TRIOBP: variants seen among roughly 807,000 people sequenced by gnomAD.
TRIOBP encodes the protein TRIO and F-actin binding protein, also known as TRIO and F-actin-binding protein.
A neutral mutation model predicts 238.8 loss-of-function variants in TRIOBP; 169 were observed. The ratio of observed to expected loss-of-function variants is 0.71; its 90% confidence interval spans 0.62 to 0.80. The LOEUF (loss-of-function observed/expected upper bound fraction) is 0.80. TRIOBP is among the 30% of genes least tolerant of loss of function. TRIOBP has a pLI of 0.00. For missense variants in TRIOBP, 2,838 were observed against 3,122.6 expected, an observed-to-expected ratio of 0.91 and a Z score of 2.17; for synonymous variants, 1,150 against 1,274.4, an observed-to-expected ratio of 0.90 and a Z score of 2.08.
chr22:37,733,583 G>C (rs1924526497), intron 8 of TRIOBP, among the ~76,000 whole-genome samples, 171 bp downstream of exon 8: 2 of 151,796 alleles, frequency 1.3e-5, no homozygotes, highest in Admixed American at 1.3e-4. Flanking sequence ...GCAGCTCTTG[G>C]CAAAATGCAC....
chr22:37,731,665 C>T (rs1278678622), intron 7 of TRIOBP, among the ~76,000 whole-genome samples: 3 of 152,014 alleles, frequency 2.0e-5, no homozygotes, highest in Non-Finnish European at 4.4e-5. Context: ...CTATGTTGAC[C>T]AGGCTGGTCT....
At chr22:37,735,667 A>G (rs1924636925) in intron 9 of TRIOBP, among the ~76,000 whole-genome samples, 2 of 152,236 alleles carry the variant, frequency 1.3e-5, no homozygotes, top group South Asian at 4.1e-4. Flanking sequence ...CCTGATCTGA[A>G]TGTTTGACGT....
At position 37,718,113 on chromosome 22, in the gene TRIOBP, AGGGCCAGCCGGCCGCTCCGAGTGCG is replaced by A. The variant is rs1923629416; in HGVS notation, c.628+2185_628+2209del. Among the ~76,000 whole-genome samples the A allele has an allele frequency of 2.6e-5, 4 of 152,276 alleles. No individual in the cohort carries two copies. The South Asian group carries it at 8.3e-4, about 32-fold the overall frequency. On this transcript the variant is annotated intron_variant, in intron 6 of 23. Transcript: ENST00000644935. ...AAGCCCCTCATTGCCCGGGGCCGGCAGGGCCAGCCGGCCGCTCCGAGTGCGGGGCCCACCAAGCCCACGCCCACCC... is the reference window on the plus strand; with the variant it reads ...AAGCCCCTCATTGCCCGGGGCCGGCAGGGCCCACCAAGCCCACGCCCACCC...
At chr22:37,768,230 C>T in intron 19 of TRIOBP, 54 bp downstream of exon 19, 1 of 1,461,344 alleles carries the variant, frequency 6.8e-7, no homozygotes, top group Non-Finnish European at 9.5e-7. Flanking sequence ...GGTTGAGGAA[C>T]TTTGCTGAGG....
rs781595281 is a variant in TRIOBP at position 37,726,435 on chromosome 22, C to A, written c.3879C>A (p.Cys1293Ter). The change falls in exon 7 of 24, where the codon TGC becomes TGA. Residue 1293 changes from cysteine to a stop codon, truncating the protein, a stop_gained. Coordinates refer to ENST00000644935, the MANE Select transcript of TRIOBP (RefSeq NM_001039141.3). LOFTEE classifies it high-confidence loss of function. ...GACAGCCAGGGCCCCAGGCGCAGTG[C>A]AGCAGCGGGGGCCGCACCCACAGCC... The part of the protein sequence containing the change: ...AQRQPGPQAQ[C>*]SSGGRTHSPG... 6.3e-7 allele frequency: 1 copy of A among 1,586,058 alleles called. No homozygotes were observed. The highest frequency in any genetic ancestry group is 8.6e-7 in the Non-Finnish European group (1 of 1,168,410).
rs555909364 is a variant in TRIOBP, at chr22:37,765,832, G to T, written c.6472+15G>T. 133 of 1,585,344 alleles carry T rather than the reference G, an allele frequency of 8.4e-5. 1 individual carries two copies. In the South Asian group the frequency reaches 1.1e-3, roughly 13 times the overall value. ...CACGGCCTCAGGTATGGACCCTGGG[G>T]GGGGCACAGTGGGCTGGGCTCTGAG... On this transcript the variant is annotated intron_variant, in intron 18 of 23. Coordinates refer to ENST00000644935, the MANE Select transcript of TRIOBP (RefSeq NM_001039141.3).
At chr22:37,765,545 T>C in intron 17 of TRIOBP, 125 bp from the exon 18 acceptor site, 1 of 1,284,360 alleles carries the variant, frequency 7.8e-7, no homozygotes, top group Non-Finnish European at 1.1e-6. Flanking sequence ...AGGTGCAGAC[T>C]GGAGGTGCTG....
chr22:37,709,454 C>T (rs1404997564), intron 3 of TRIOBP, among the ~76,000 whole-genome samples: 2 of 152,240 alleles, frequency 1.3e-5, no homozygotes, highest in African/African-American at 2.4e-5. Context: ...TCCACTGCCT[C>T]GGCGGCTGCT....
intron 4 of TRIOBP, among the ~76,000 whole-genome samples, chr22:37,711,895 C>T (rs186949259): frequency 2.0e-5 from 3 of 151,858 alleles, no homozygotes. Flanking sequence ...GAGCCTGTGA[C>T]TTCTTTTAAA....
At chr22:37,746,354 C>T (rs1925262567) in intron 11 of TRIOBP, 1 of 1,208,680 alleles carries the variant, frequency 8.3e-7, no homozygotes, top group Non-Finnish European at 1.0e-6. Context: ...CGCCGCGGAG[C>T]CCGGCCCGAG....
At position 37,735,086 on chromosome 22, in the gene TRIOBP, G is replaced by T; in HGVS notation, c.4750G>T (p.Gly1584Cys). The T allele has an allele frequency of 6.2e-7, 1 of 1,606,650 alleles. No individual in the cohort carries two copies. Among genetic ancestry groups the T allele is most frequent in the East Asian group, 2.2e-5 (1 of 44,682 alleles). Residue 1584 changes from glycine to cysteine, a missense_variant, in exon 9 of 24, where the codon GGC becomes TGC. Around this residue, in one of 5 missense-constraint regions of TRIOBP, gnomAD observed 2,096 missense variants for 2,137.4 expected, o/e 0.98. Coordinates refer to ENST00000644935, the MANE Select transcript of TRIOBP (RefSeq NM_001039141.3). ...CCGTGTCCCCAGCCTGGACTGGGAG[G>T]GCCTCTTGGAGCTCCTGCAGGCCAG... ...WARVPSLDWE[G>C]LLELLQARLP...
chr22:37,771,203 G>T (rs908569047), intron 21 of TRIOBP, among the ~76,000 whole-genome samples: 1 of 152,326 alleles, frequency 6.6e-6, no homozygotes, highest in Middle Eastern at 3.4e-3. Flanking sequence ...CAGGCAGTCT[G>T]GCTCCAGTCT....
chr22:37,746,749 C>T (rs991047287), intron 11 of TRIOBP, among the ~76,000 whole-genome samples: 2 of 152,244 alleles, frequency 1.3e-5, no homozygotes, highest in Non-Finnish European at 1.5e-5. Context: ...CCCACCTCCC[C>T]TCCAGCCCCC....
chr22:37,758,189 C>T (rs1285767529), intron 16 of TRIOBP, 51 bp downstream of exon 16: 1 of 1,600,756 alleles, frequency 6.2e-7, no homozygotes, highest in Non-Finnish European at 8.5e-7. Context: ...AGCGCCCCTC[C>T]AGTCCCTGCA....
In TRIOBP at chr22:37,726,480, G is replaced by A. The variant is rs780052589; in HGVS notation, c.3924G>A (p.Glu1308=). The A allele has an allele frequency of 1.3e-6, 2 of 1,536,586 alleles. No individual in the cohort carries two copies. The highest frequency in any genetic ancestry group is 8.7e-7 in the Non-Finnish European group (1 of 1,147,252). ...ACAGCCCTGGCCGTGCAGAGGTGGA[G>A]CGCCTCTTCGGGCAAGAGCGCAGGT... ...RTHSPGRAEV[E]RLFGQERRKS... The change falls in exon 7 of 24, where the codon GAG becomes GAA. Residue 1308 remains glutamate (E), a synonymous_variant. Coordinates refer to ENST00000644935, the MANE Select transcript of TRIOBP (RefSeq NM_001039141.3).
intron 17 of TRIOBP, among the ~76,000 whole-genome samples, chr22:37,760,631 C>G (rs956167570): frequency 6.6e-6 from 1 of 152,116 alleles, no homozygotes; most frequent in Non-Finnish European, 1.5e-5. Flanking sequence ...CACAGAATTA[C>G]TAAAAATTTG....
chr22:37,698,208 AAAAAAAAAAAG>A lies in TRIOBP; in HGVS notation c.-61+516_-61+526del, dbSNP rs1280222487. On this transcript the variant is annotated intron_variant, in intron 2 of 23. Transcript: ENST00000644935. ...GACCGAGATTCTGTCTCAAAAAAAA[AAAAAAAAAAAG>A]AAAGAAAGACACCAGGGTTTCAGAA... Among the ~76,000 whole-genome samples, 77 of 129,250 alleles carry A rather than the reference AAAAAAAAAAAG, an allele frequency of 6.0e-4. 1 individual carries two copies. Among genetic ancestry groups the A allele is most frequent in the African/African-American group, 2.3e-3 (74 of 32,694 alleles). The allele number at this position is 129,250 out of a possible 152,430, so 84.8% of individuals were successfully genotyped here.
rs373257196 is a variant in TRIOBP at position 37,725,838 on chromosome 22, C to G, written c.3282C>G (p.Ala1094=). The G allele has an allele frequency of 1.9e-6, 3 of 1,611,916 alleles. No homozygotes were observed. The highest frequency in any genetic ancestry group is 1.7e-6 in the Non-Finnish European group (2 of 1,179,194). Residue 1094 remains alanine, a synonymous_variant, in exon 7 of 24, where the codon GCC becomes GCG. Coordinates refer to ENST00000644935, the MANE Select transcript of TRIOBP (RefSeq NM_001039141.3). ...PFPFLPDTSD[A]EHQCQSPQHE... is the part of the protein sequence containing the mutation. ...CCTTCCTCCCAGACACATCAGATGC[C>G]GAGCATCAGTGTCAGTCCCCCCAAC...
intron 12 of TRIOBP, among the ~76,000 whole-genome samples, chr22:37,752,614 G>A (rs1601654482): frequency 6.6e-6 from 1 of 152,134 alleles, no homozygotes; most frequent in African/African-American, 2.4e-5. Context: ...TTGTGTTTCC[G>A]GCCCACATGT....
Sources: allele counts gnomAD v4.1 joint callset (sites outside exome capture counted in the v4.1 genomes callset), GRCh38; gene constraint gnomAD v4.1.1; regional missense constraint gnomAD v4.1.1; transcripts MANE v1.5; gene names NCBI Gene and HGNC (gene_info 2026-07-23, HGNC 2026-07-21).